Variants in LRRTM4 observed in about 807,000 individuals in gnomAD.
LRRTM4 encodes the protein leucine rich repeat transmembrane neuronal 4, also known as leucine-rich repeat transmembrane neuronal protein 4.
Under a neutral mutation model 47.6 loss-of-function variants are expected in LRRTM4, and 25 were observed. The ratio of observed to expected loss-of-function variants is 0.53; its 90% CI spans 0.38 to 0.73. The LOEUF is 0.73. Ranked by LOEUF, LRRTM4 falls within the 30% of genes least tolerant of loss-of-function variation. The probability of loss-of-function intolerance (pLI) is 0.00; values close to 1 mark genes in which losing one functional copy is unlikely to be tolerated. For missense variants in LRRTM4, 638 were observed against 713.4 expected (o/e 0.89, Z 1.20); for synonymous variants, 311 against 269.5 (o/e 1.15, Z -1.51).
At chr2:77,148,270 G>T (rs1248741617) in intron 3 of LRRTM4, among the ~76,000 whole-genome samples, 3 of 152,108 alleles carry the variant, frequency 2.0e-5, no homozygotes, top group Non-Finnish European at 2.9e-5. Flanking sequence ...TGGGTGTCTT[G>T]CAAAAGGGGA....
intron 3 of LRRTM4, among the ~76,000 whole-genome samples, chr2:77,205,052 A>G (rs917350759): frequency 3.3e-5 from 5 of 152,230 alleles, no homozygotes; most frequent in African/African-American, 9.6e-5. Flanking sequence ...TTTGGAAATC[A>G]TAAGTGTGAT....
At chr2:77,452,509 T>C (rs1261455774) in intron 3 of LRRTM4, among the ~76,000 whole-genome samples, 1 of 152,134 alleles carries the variant, frequency 6.6e-6, no homozygotes, top group Non-Finnish European at 1.5e-5. Context: ...AGCAATAAAA[T>C]AGAGCAAAAT....
intron 3 of LRRTM4, among the ~76,000 whole-genome samples, chr2:76,987,927 T>C (rs1190000086): frequency 6.6e-6 from 1 of 151,864 alleles, no homozygotes; most frequent in African/African-American, 2.4e-5. Context: ...CTAATAATGA[T>C]TGCTATGGAA....
At chr2:76,869,263 C>G (rs750321881) in intron 3 of LRRTM4, among the ~76,000 whole-genome samples, 1 of 150,356 alleles carries the variant, frequency 6.7e-6, no homozygotes, top group Admixed American at 6.6e-5. Context: ...GAGCCGAGAT[C>G]ACACCACTGC....
At chr2:76,906,040 A>G (rs1160913454) in intron 3 of LRRTM4, among the ~76,000 whole-genome samples, 2 of 152,144 alleles carry the variant, frequency 1.3e-5, no homozygotes, top group Non-Finnish European at 2.9e-5. Context: ...AAGGCACATA[A>G]TTGTCAGATT....
At chr2:77,055,609 G>T (rs796859745) in intron 3 of LRRTM4, among the ~76,000 whole-genome samples, 1 of 152,088 alleles carries the variant, frequency 6.6e-6, no homozygotes, top group Non-Finnish European at 1.5e-5. Context: ...AAACTAGTTC[G>T]ACCATTGTGG....
intron 3 of LRRTM4, among the ~76,000 whole-genome samples, chr2:76,749,579 A>G (rs12713882): frequency 0.26 from 38,880 of 151,972 alleles, 5,326 homozygotes; most frequent in East Asian, 0.5. Flanking sequence ...GCACATCTTT[A>G]TGTTCATAAT....
At chr2:77,047,442 T>C (rs949874680) in intron 3 of LRRTM4, among the ~76,000 whole-genome samples, 11 of 151,826 alleles carry the variant, frequency 7.2e-5, no homozygotes, top group Non-Finnish European at 1.6e-4. Flanking sequence ...GTTTCTGGAG[T>C]GTTGGTTCCT....
At chr2:77,344,975 T>C (rs1434788817) in intron 3 of LRRTM4, among the ~76,000 whole-genome samples, 4 of 151,380 alleles carry the variant, frequency 2.6e-5, no homozygotes, top group African/African-American at 9.7e-5. Context: ...ATTATATAAA[T>C]AGATAGGGAA....
intron 3 of LRRTM4, among the ~76,000 whole-genome samples, chr2:76,781,568 C>T (rs1431109697): frequency 6.6e-6 from 1 of 152,224 alleles, no homozygotes; most frequent in Non-Finnish European, 1.5e-5. Context: ...AACTCCGTGA[C>T]CCCTTGCGCT....
chr2:77,135,534 T>A (rs1671912449), intron 3 of LRRTM4, among the ~76,000 whole-genome samples: 1 of 152,198 alleles, frequency 6.6e-6, no homozygotes, highest in Non-Finnish European at 1.5e-5. Flanking sequence ...TACAATAAAA[T>A]ATAGGAGGAT....
intron 3 of LRRTM4, among the ~76,000 whole-genome samples, chr2:76,809,054 A>C (rs1401852544): frequency 6.6e-6 from 1 of 152,248 alleles, no homozygotes; most frequent in East Asian, 1.9e-4. Context: ...CATGATCTTC[A>C]AAGCTATTTC....
intron 3 of LRRTM4, among the ~76,000 whole-genome samples, chr2:76,815,631 G>T (rs532965968): frequency 2.0e-5 from 3 of 152,232 alleles, no homozygotes; most frequent in South Asian, 2.1e-4. Flanking sequence ...TGTATGATTG[G>T]ATTGTTTTGA....
chr2:77,257,694 A>G (rs953294824), intron 3 of LRRTM4, among the ~76,000 whole-genome samples: 3 of 150,878 alleles, frequency 2.0e-5, no homozygotes, highest in African/African-American at 7.4e-5. Flanking sequence ...TAGATCAAAA[A>G]TTTATAACAA....
At chr2:76,903,778 A>G (rs1409015841) in intron 3 of LRRTM4, among the ~76,000 whole-genome samples, 1 of 152,196 alleles carries the variant, frequency 6.6e-6, no homozygotes, top group Non-Finnish European at 1.5e-5. Flanking sequence ...GTTACAAATA[A>G]TATTTATAGA....
chr2:77,145,800 TAAATA>T (rs1558603904), intron 3 of LRRTM4, among the ~76,000 whole-genome samples: 1 of 150,880 alleles, frequency 6.6e-6, no homozygotes, highest in Non-Finnish European at 1.5e-5. Context: ...AATAAATAAA[TAAATA>T]AAATAAAAAT....
intron 3 of LRRTM4, among the ~76,000 whole-genome samples, chr2:77,199,482 G>A (rs1396581730): frequency 6.6e-6 from 1 of 151,904 alleles, no homozygotes; most frequent in Non-Finnish European, 1.5e-5. Context: ...TCTAATTTTG[G>A]ATTTGTCATT....
At chr2:76,993,499 T>A (rs561608477) in intron 3 of LRRTM4, among the ~76,000 whole-genome samples, 30 of 152,046 alleles carry the variant, frequency 2.0e-4, no homozygotes, top group Non-Finnish European at 2.2e-4. Context: ...TACAAACATA[T>A]GAATAAATTC....
intron 3 of LRRTM4, among the ~76,000 whole-genome samples, chr2:76,881,632 A>T (rs1672932864): frequency 6.6e-6 from 1 of 152,086 alleles, no homozygotes; most frequent in South Asian, 2.1e-4. Context: ...AAAAAACTGA[A>T]CTACTTCTTT....
Sources: gnomAD v4.1 joint callset for allele counts (sites outside exome capture counted in the v4.1 genomes callset) on GRCh38, gnomAD v4.1.1 for gene constraint, MANE v1.5 for transcripts, NCBI Gene and HGNC (gene_info 2026-07-23, HGNC 2026-07-21) for gene names.